Variants in RSRP1 observed in about 807,000 individuals in gnomAD.
The protein encoded by RSRP1 is arginine/serine-rich protein 1.
A neutral mutation model predicts 33.0 loss-of-function variants in RSRP1; 37 were observed. The observed-to-expected ratio is 1.12, with a 90% CI of 0.86 to 1.48. The LOEUF (loss-of-function observed/expected upper bound fraction) is 1.48. Ranked by LOEUF, RSRP1 falls within the 40% of genes most tolerant of loss-of-function variation. The pLI is 0.00. For missense variants in RSRP1, 402 were observed against 385.3 expected, an observed-to-expected ratio of 1.04 and a Z score of -0.36; for synonymous variants, 167 against 158.7, an observed-to-expected ratio of 1.05 and a Z score of -0.40.
rs41267486 is a variant in RSRP1 at position 25,290,615 on chromosome 1, G to A, written c.-66-43586C>T. ...TGAGAGGCATCCTTCCTTCTCAGTC[G>A]TCCTGGCTCTCCCTCTCTCCCCCAG... On this transcript the variant is annotated intron_variant, in intron 1 of 1. Transcript: ENST00000561867. The A allele has an allele frequency of 4.3e-3, 5,855 of 1,359,816 alleles. 1,006 individuals are homozygous for A. The African/African-American group carries it at 0.066, about 15-fold the overall frequency. The allele number at this position is 1,359,816 out of a possible 1,614,324, so 84.2% of individuals were successfully genotyped here.
At chr1:25,304,812 CT>C (rs1643669612) in intron 1 of RSRP1, 1 of 131,450 alleles carries the variant, frequency 7.6e-6, no homozygotes, top group African/African-American at 2.6e-5. Flanking sequence ...TCTCCTCTGG[CT>C]TTGAAACCCT....
At chr1:25,286,591 C>T (rs1268245478) in intron 1 of RSRP1, among the ~76,000 whole-genome samples, 1 of 133,704 alleles carries the variant, frequency 7.5e-6, no homozygotes, top group Non-Finnish European at 1.8e-5. Context: ...TCGAGACCAT[C>T]CTGGCTAACT....
In RSRP1 at chr1:25,246,905, G is replaced by A. The variant is rs147781110; in HGVS notation, c.59C>T (p.Ser20Leu). The change falls in exon 2 of 5, where the codon TCG becomes TTG. Residue 20 changes from serine (S) to leucine (L), a missense_variant. Physicochemically the swap from Ser to Leu is moderately radical, Grantham distance 145. Transcript: ENST00000243189. Reference protein sequence around the residue: ...PGSPQEKDSPSTSRSGGSSRL... With the variant: ...PGSPQEKDSPLTSRSGGSSRL... ...GCTGGACCCGCCCGACCGCGAGGTC[G>A]AGGGCGAATCCTTCTCCTGCGGCGA... 147 of 1,603,480 alleles carry A rather than the reference G, an allele frequency of 9.2e-5. No individual in the cohort carries two copies. In the South Asian group the frequency reaches 1.3e-3, roughly 14 times the overall value.
chr1:25,282,838 C>T lies in RSRP1; in HGVS notation c.-66-35809G>A, dbSNP rs1321032723. Among the ~76,000 whole-genome samples the T allele has an allele frequency of 1.6e-5, 2 of 128,830 alleles. 1 individual carries two copies. The highest frequency in any genetic ancestry group is 5.3e-5 in the African/African-American group (2 of 37,872). The allele number at this position is 128,830 out of a possible 152,430, so 84.5% of individuals were successfully genotyped here. A position where few individuals can be genotyped will look rare whatever the true frequency, so the allele number is the denominator to read the frequency against. Reference sequence around the variant, plus strand: ...TGAACCCGGGAGGTGGAGGTTGCAGCGAGCCGAGATCGCACCACTGCACTC... The same window carrying T: ...TGAACCCGGGAGGTGGAGGTTGCAGTGAGCCGAGATCGCACCACTGCACTC... On this transcript the variant is annotated intron_variant, in intron 1 of 1. Transcript: ENST00000561867.
At position 25,279,228 on chromosome 1, in the gene RSRP1, C is replaced by T. The variant is rs368813940; in HGVS notation, c.-66-32199G>A. Among the ~76,000 whole-genome samples the T allele has an allele frequency of 4.7e-5, 6 of 126,512 alleles. 1 individual carries two copies. The highest frequency in any genetic ancestry group is 7.7e-5 in the Admixed American group (1 of 12,976). The allele number at this position is 126,512 out of a possible 152,430, so 83.0% of individuals were successfully genotyped here. On this transcript the variant is annotated intron_variant, in intron 1 of 1. Transcript: ENST00000561867. ...TCACACCGCTAATCAGCGGCCGGCA[C>T]GGGGTAACAGTTACTAACACTCACT...
chr1:25,269,130 A>C lies in RSRP1; in HGVS notation c.-66-22101T>G, dbSNP rs1218683932. Among the ~76,000 whole-genome samples the C allele has an allele frequency of 2.3e-5, 3 of 132,232 alleles. 1 individual carries two copies. The highest frequency in any genetic ancestry group is 7.7e-5 in the African/African-American group (3 of 38,738). 86.7% of individuals were successfully genotyped at this position (132,232 alleles called of 152,430 possible). On this transcript the variant is annotated intron_variant, in intron 1 of 1. Coordinates refer to the RSRP1 transcript ENST00000561867. ...TGTAAGTCAAAAATGCATTTAATAC[A>C]TCTAACCTACGGAACATCATAGCTT...
intron 1 of RSRP1, among the ~76,000 whole-genome samples, chr1:25,296,834 G>T (rs1262566085): frequency 1.6e-5 from 2 of 125,968 alleles, no homozygotes; most frequent in Non-Finnish European, 3.8e-5. Context: ...AGGCCTCCCC[G>T]GCCATGCCAA....
intron 1 of RSRP1, among the ~76,000 whole-genome samples, chr1:25,263,788 C>T (rs1327933661): frequency 6.6e-6 from 1 of 152,038 alleles, no homozygotes; most frequent in South Asian, 2.1e-4. Flanking sequence ...TCATCTGAGA[C>T]AAGGCAAGTC....
Position 25,320,355 on chromosome 1 carries a change from A to G in RSRP1, c.-67+17623T>C, listed in dbSNP as rs1352577589. On this transcript the variant is annotated intron_variant, in intron 1 of 1. Transcript: ENST00000561867. ...TTCTGATTTTTTTTAAAAAAAGTCT[A>G]AATATGTTTAATGTTGTCTCAGAAG... Among the ~76,000 whole-genome samples, 9 of 132,116 alleles carry G rather than the reference A, an allele frequency of 6.8e-5. 4 individuals are homozygous for G. 86.7% of individuals were successfully genotyped at this position (132,116 alleles called of 152,430 possible).
rs187412012 is a variant in RSRP1 at position 25,305,830 on chromosome 1, G to A, written c.-67+32148C>T. On this transcript the variant is annotated intron_variant, in intron 1 of 1. Transcript: ENST00000561867. ...TTGGCCCTGCTGGTCTTGAACTCCC[G>A]ACTTCAGGTGATCCACCCATGTCGG... 3.2e-3 allele frequency among the ~76,000 whole-genome samples: 423 copies of A among 130,930 alleles called. 77 individuals carry two copies. Among genetic ancestry groups the A allele is most frequent in the Middle Eastern group, 0.012 (3 of 248 alleles). 85.9% of individuals were successfully genotyped at this position (130,930 alleles called of 152,430 possible).
intron 1 of RSRP1, among the ~76,000 whole-genome samples, chr1:25,315,271 A>G (rs1232834108): frequency 7.7e-6 from 1 of 129,854 alleles, no homozygotes; most frequent in East Asian, 2.0e-4. Flanking sequence ...TCATTCAACA[A>G]ATATTTCCCT....
chr1:25,260,565 T>C (rs1005312873), intron 1 of RSRP1, among the ~76,000 whole-genome samples: 13 of 152,258 alleles, frequency 8.5e-5, no homozygotes, highest in African/African-American at 2.9e-4. Flanking sequence ...ACTGAAATCC[T>C]TAAGTGTTGT....
intron 1 of RSRP1, among the ~76,000 whole-genome samples, chr1:25,315,295 C>A (rs1325717198): frequency 7.8e-6 from 1 of 128,750 alleles, no homozygotes; most frequent in African/African-American, 2.7e-5. Context: ...GTTTTGATAA[C>A]CTGAACTGTG....
intron 2 of RSRP1, 136 bp from the exon 3 acceptor site, chr1:25,245,437 C>A (rs908634096): frequency 8.0e-7 from 1 of 1,257,820 alleles, no homozygotes; most frequent in African/African-American, 1.5e-5. Context: ...AATAGGTAAA[C>A]TAAGGTTGCC....
At chr1:25,260,217 T>C (rs1640088451) in intron 1 of RSRP1, among the ~76,000 whole-genome samples, 1 of 152,222 alleles carries the variant, frequency 6.6e-6, no homozygotes, top group Non-Finnish European at 1.5e-5. Flanking sequence ...GCCAATTTTC[T>C]TTGAAAATTC....
chr1:25,312,919 CTAAAA>C (rs1644225367), intron 1 of RSRP1, among the ~76,000 whole-genome samples: 1 of 3,618 alleles, frequency 2.8e-4, no homozygotes, highest in Non-Finnish European at 1.0e-3. Flanking sequence ...AATCCCATCT[CTAAAA>C]AAAAAAAAAA....
At chr1:25,293,432 C>T (rs1452038042) in intron 1 of RSRP1, among the ~76,000 whole-genome samples, 10 of 128,388 alleles carry the variant, frequency 7.8e-5, no homozygotes, top group African/African-American at 2.7e-4. Context: ...TCCCATTGTG[C>T]GGAAATAACA....
intron 1 of RSRP1, among the ~76,000 whole-genome samples, chr1:25,257,978 G>T (rs894522431): frequency 4.6e-5 from 7 of 152,090 alleles, no homozygotes; most frequent in Non-Finnish European, 1.0e-4. Flanking sequence ...GAAGCAGCAG[G>T]ATCCTCATTC....
chr1:25,287,752 T>A (rs1428197334), intron 1 of RSRP1, among the ~76,000 whole-genome samples: 6 of 135,122 alleles, frequency 4.4e-5, no homozygotes, highest in African/African-American at 1.5e-4. Context: ...GACAGGGTCT[T>A]GCTCTGTTGC....
Sources: allele counts gnomAD v4.1 joint callset (sites outside exome capture counted in the v4.1 genomes callset), GRCh38; gene constraint gnomAD v4.1.1; transcripts MANE v1.5; gene names NCBI Gene and HGNC (gene_info 2026-07-23, HGNC 2026-07-21).